The following RYR2 variants were observed in gnomAD, a reference collection of about 807,000 sequenced individuals.
The protein encoded by RYR2 is cardiac muscle ryanodine receptor-calcium release channel.
Under a neutral mutation model 601.1 loss-of-function variants are expected in RYR2, and 227 were observed. That is an observed-to-expected ratio of 0.38 (90% CI 0.34 to 0.42). The LOEUF is 0.42. Ranked by LOEUF, RYR2 falls within the 10% of genes least tolerant of loss-of-function variation. The pLI is 1.00. For synonymous variants in RYR2, 2,223 were observed against 2,175.1 expected (o/e 1.02, Z -0.61); for missense variants, 4,646 against 6,156.5 (o/e 0.75, Z 8.21).
At chr1:237,666,167 G>A (rs978254404) in intron 56 of RYR2, among the ~76,000 whole-genome samples, 14 of 152,128 alleles carry the variant, frequency 9.2e-5, no homozygotes, top group African/African-American at 2.9e-4. Flanking sequence ...TCTTGCTTGC[G>A]TGAGGAAGAG....
At chr1:237,152,243 C>G (rs1420797191) in intron 1 of RYR2, among the ~76,000 whole-genome samples, 1 of 152,268 alleles carries the variant, frequency 6.6e-6, no homozygotes, top group East Asian at 1.9e-4. Flanking sequence ...TTTTCTTTAT[C>G]CAGTCTATCA....
At chr1:237,578,926 G>A (rs1673578128) in intron 29 of RYR2, among the ~76,000 whole-genome samples, 1 of 152,126 alleles carries the variant, frequency 6.6e-6, no homozygotes. Context: ...TCTCTTCCTT[G>A]ATGACCTCTT....
At chr1:237,246,001 C>T (rs944886323) in intron 1 of RYR2, among the ~76,000 whole-genome samples, 7 of 152,184 alleles carry the variant, frequency 4.6e-5, no homozygotes, top group Non-Finnish European at 1.0e-4. Context: ...TGGCTGGTCT[C>T]GAACTCCTGA....
intron 1 of RYR2, among the ~76,000 whole-genome samples, chr1:237,055,686 T>G (rs952276800): frequency 2.0e-5 from 3 of 152,092 alleles, no homozygotes; most frequent in African/African-American, 7.2e-5. Context: ...TGTATTTATT[T>G]TGAGATATGT....
intron 21 of RYR2, among the ~76,000 whole-genome samples, chr1:237,502,495 G>C (rs1664760347): frequency 6.6e-6 from 1 of 152,132 alleles, no homozygotes; most frequent in African/African-American, 2.4e-5. Flanking sequence ...TGGGGTTGAA[G>C]GTGGGGATGG....
At chr1:237,395,613 C>CA (rs1310828694) in intron 10 of RYR2, among the ~76,000 whole-genome samples, 1 of 139,302 alleles carries the variant, frequency 7.2e-6, no homozygotes, top group Non-Finnish European at 1.5e-5. Flanking sequence ...GTGGCGCGAT[C>CA]TCTGCTCACT....
chr1:237,350,968 A>G (rs2149671366), intron 3 of RYR2, among the ~76,000 whole-genome samples: 1 of 150,980 alleles, frequency 6.6e-6, no homozygotes, highest in East Asian at 2.0e-4. Context: ...GAAAGTACAC[A>G]TTTGTTTCAA....
At chr1:237,163,971 C>T (rs537541004) in intron 1 of RYR2, among the ~76,000 whole-genome samples, 1 of 152,296 alleles carries the variant, frequency 6.6e-6, no homozygotes, top group African/African-American at 2.4e-5. Flanking sequence ...GAGACTACGG[C>T]TTCAAATTCA....
chr1:237,827,019 C>T (rs1331352002), intron 101 of RYR2, among the ~76,000 whole-genome samples: 1 of 152,144 alleles, frequency 6.6e-6, no homozygotes, highest in Admixed American at 6.5e-5. Context: ...GTCATGTTAT[C>T]TTTTCCGCTT....
Position 237,654,369 on chromosome 1 carries a change from A to G in RYR2, c.7920A>G (p.Leu2640=), listed in dbSNP as rs779186371. ...CTGCCTCAGAAGAAGAACTTCATTT[A>G]TCAAGAAAGTTGTTCTGGGGCATTT... ...FGAASEEELH[L]SRKLFWGIFD... The change falls in exon 52 of 105, where the codon TTA becomes TTG. Residue 2640 remains leucine (L), a synonymous_variant. Coordinates refer to ENST00000366574, the MANE Select transcript of RYR2 (RefSeq NM_001035.3). 1.2e-6 allele frequency: 2 copies of G among 1,613,990 alleles called. No individual in the cohort carries two copies. The highest frequency in any genetic ancestry group is 1.7e-6 in the Non-Finnish European group (2 of 1,179,868).
chr1:237,263,102 A>G (rs1397588298), intron 1 of RYR2, among the ~76,000 whole-genome samples: 1 of 152,184 alleles, frequency 6.6e-6, no homozygotes, highest in East Asian at 1.9e-4. Context: ...ATACATTAAA[A>G]TTTGTCACAG....
At chr1:237,462,181 A>G (rs1451516409) in intron 16 of RYR2, among the ~76,000 whole-genome samples, 6 of 152,136 alleles carry the variant, frequency 3.9e-5, no homozygotes, top group Non-Finnish European at 4.4e-5. Context: ...CCTTCCCGTT[A>G]TTCGAAATAG....
chr1:237,815,568 C>T (rs1276690889), intron 100 of RYR2, among the ~76,000 whole-genome samples: 1 of 152,198 alleles, frequency 6.6e-6, no homozygotes, highest in Non-Finnish European at 1.5e-5. Context: ...GTTAAGTCCA[C>T]TACCGATCTC....
chr1:237,199,693 A>G (rs1199708891), intron 1 of RYR2, among the ~76,000 whole-genome samples: 2 of 152,196 alleles, frequency 1.3e-5, no homozygotes, highest in Non-Finnish European at 2.9e-5. Flanking sequence ...TTGACACTCA[A>G]TACTAACCAT....
At chr1:237,637,778 G>A (rs1681029925) in intron 44 of RYR2, among the ~76,000 whole-genome samples, 1 of 152,086 alleles carries the variant, frequency 6.6e-6, no homozygotes, top group African/African-American at 2.4e-5. Flanking sequence ...GATAGATAAG[G>A]GTCTCAAGTT....
At chr1:237,209,495 A>ATGTGTGTGTGTGTG (rs1227902374) in intron 1 of RYR2, among the ~76,000 whole-genome samples, 10 of 39,348 alleles carry the variant, frequency 2.5e-4, no homozygotes, top group East Asian at 4.4e-3. Context: ...AAATCTGCAT[A>ATGTGTGTGTGTGTG]TATGTGTGTG....
At chr1:237,329,496 G>T (rs1440327420) in intron 2 of RYR2, among the ~76,000 whole-genome samples, 1 of 151,916 alleles carries the variant, frequency 6.6e-6, no homozygotes, top group Non-Finnish European at 1.5e-5. Flanking sequence ...ACAAAAATTA[G>T]CTGGGCTTGG....
intron 24 of RYR2, among the ~76,000 whole-genome samples, chr1:237,519,676 G>T (rs911972832): frequency 1.1e-4 from 16 of 152,170 alleles, no homozygotes; most frequent in African/African-American, 3.4e-4. Context: ...TGCTGTGTTG[G>T]TTACTATAGC....
intron 16 of RYR2, among the ~76,000 whole-genome samples, chr1:237,461,992 G>T (rs986078900): frequency 6.6e-6 from 1 of 151,986 alleles, no homozygotes; most frequent in African/African-American, 2.4e-5. Flanking sequence ...ATTTTTTATT[G>T]AATTCATTGT....
Sources: allele counts gnomAD v4.1 joint callset (sites outside exome capture counted in the v4.1 genomes callset), GRCh38; gene constraint gnomAD v4.1.1; transcripts MANE v1.5; gene names NCBI Gene and HGNC (gene_info 2026-07-23, HGNC 2026-07-21).